The following GRID1 variants were observed in gnomAD, a reference collection of about 807,000 sequenced individuals.
GRID1 encodes glutamate receptor ionotropic, delta-1.
A neutral mutation model predicts 98.0 loss-of-function variants in GRID1; 28 were observed. The observed-to-expected ratio is 0.29, with a 90% CI of 0.21 to 0.39. The LOEUF (loss-of-function observed/expected upper bound fraction) is 0.39. GRID1 is among the 10% of genes least tolerant of loss of function. The probability of loss-of-function intolerance (pLI) is 1.00; values close to 1 mark genes in which losing one functional copy is unlikely to be tolerated. For missense variants in GRID1, 1,111 were observed against 1,340.5 expected, an observed-to-expected ratio of 0.83 and a Z score of 2.67; for synonymous variants, 553 against 538.5, an observed-to-expected ratio of 1.03 and a Z score of -0.37.
At chr10:86,018,620 CT>C (rs1471191752) in intron 4 of GRID1, among the ~76,000 whole-genome samples, 1 of 152,204 alleles carries the variant, frequency 6.6e-6, no homozygotes, top group African/African-American at 2.4e-5. Context: ...AGAGCTGTTT[CT>C]TCCAAACCTC....
chr10:85,903,856 T>C (rs1841422814), intron 5 of GRID1, among the ~76,000 whole-genome samples: 1 of 152,184 alleles, frequency 6.6e-6, no homozygotes, highest in Non-Finnish European at 1.5e-5. Context: ...ATGCACAGCA[T>C]CCTCACTTCC....
chr10:85,719,719 C>G (rs1027555413), intron 12 of GRID1, among the ~76,000 whole-genome samples: 1 of 151,934 alleles, frequency 6.6e-6, no homozygotes, highest in African/African-American at 2.4e-5. Flanking sequence ...GGTGGGGGCA[C>G]AGCCAAACCA....
intron 11 of GRID1, 91 bp from the exon 12 acceptor site, chr10:85,723,232 G>T: frequency 7.6e-7 from 1 of 1,310,486 alleles, no homozygotes; most frequent in Non-Finnish European, 1.0e-6. Flanking sequence ...CAGGCACACA[G>T]GCCATCACTC....
chr10:86,272,060 G>A lies in GRID1; in HGVS notation c.236-65412C>T, dbSNP rs189031088. ...AAATATATTATGTTCAGAGGAACAA[G>A]GATAAGGATGACAGTAAATTTCTTA... On this transcript the variant is annotated intron_variant, in intron 2 of 15. Coordinates refer to ENST00000327946, the MANE Select transcript of GRID1 (RefSeq NM_017551.3). 1.1e-3 allele frequency among the ~76,000 whole-genome samples: 172 copies of A among 152,182 alleles called. 1 individual carries two copies. The highest frequency in any genetic ancestry group is 3.9e-3 in the African/African-American group (162 of 41,516).
intron 4 of GRID1, among the ~76,000 whole-genome samples, chr10:86,090,421 A>C (rs1445956068): frequency 6.6e-6 from 1 of 152,130 alleles, no homozygotes; most frequent in Non-Finnish European, 1.5e-5. Flanking sequence ...TTAAAAAATA[A>C]AAAATAAAAA....
chr10:85,690,377 T>C (rs1841318715), intron 12 of GRID1, among the ~76,000 whole-genome samples: 1 of 152,174 alleles, frequency 6.6e-6, no homozygotes, highest in Non-Finnish European at 1.5e-5. Flanking sequence ...CTTTATGACA[T>C]TCAACTAAGC....
chr10:85,607,468 C>T (rs978418396), intron 15 of GRID1, among the ~76,000 whole-genome samples: 3 of 152,146 alleles, frequency 2.0e-5, no homozygotes, highest in Non-Finnish European at 4.4e-5. Context: ...AAGACTTACC[C>T]AACCCCAACG....
chr10:86,215,320 C>A (rs1480731955), intron 2 of GRID1, among the ~76,000 whole-genome samples: 1 of 152,206 alleles, frequency 6.6e-6, no homozygotes, highest in East Asian at 1.9e-4. Flanking sequence ...ACGAAGCAGA[C>A]CAGGAGGGTG....
At chr10:85,938,239 CA>C (rs1841952460) in intron 4 of GRID1, among the ~76,000 whole-genome samples, 1 of 152,142 alleles carries the variant, frequency 6.6e-6, no homozygotes, top group South Asian at 2.1e-4. Flanking sequence ...AATACTTGGA[CA>C]TATTTTCTAT....
intron 8 of GRID1, among the ~76,000 whole-genome samples, chr10:85,774,513 G>A (rs983515732): frequency 6.6e-6 from 1 of 151,028 alleles, no homozygotes; most frequent in Non-Finnish European, 1.5e-5. Context: ...CACAGCAAAA[G>A]AAACTACCAT....
At chr10:86,098,703 G>A (rs1178750275) in intron 4 of GRID1, among the ~76,000 whole-genome samples, 2 of 152,198 alleles carry the variant, frequency 1.3e-5, no homozygotes, top group Non-Finnish European at 2.9e-5. Context: ...ACTGAGTGGT[G>A]AAAAACGGCA....
Position 85,618,214 on chromosome 10 carries a change from CG to C in GRID1, c.2360+1652del, listed in dbSNP as rs1383242607. Among the ~76,000 whole-genome samples the C allele has an allele frequency of 3.3e-5, 5 of 152,306 alleles. No homozygotes were observed. In the East Asian group the frequency reaches 7.8e-4, roughly 24 times the overall value. On this transcript the variant is annotated intron_variant, in intron 14 of 15. Coordinates refer to ENST00000327946, the MANE Select transcript of GRID1 (RefSeq NM_017551.3). ...GAGCCATCTGAGCAGTGTGAGCACA[CG>C]GGGACTCTAACCTTTCCTCGCTGGG...
intron 2 of GRID1, among the ~76,000 whole-genome samples, chr10:86,355,206 G>A (rs181555089): frequency 6.6e-6 from 1 of 152,250 alleles, no homozygotes; most frequent in Non-Finnish European, 1.5e-5. Flanking sequence ...TGCCCACCCA[G>A]AGTCAGAAAG....
intron 4 of GRID1, among the ~76,000 whole-genome samples, chr10:86,128,831 C>T (rs1453911480): frequency 6.6e-6 from 1 of 152,232 alleles, no homozygotes; most frequent in Admixed American, 6.5e-5. Context: ...CCCACTCACA[C>T]ATCAGTCACT....
At chr10:86,049,182 A>T (rs1487334120) in intron 4 of GRID1, among the ~76,000 whole-genome samples, 1 of 152,188 alleles carries the variant, frequency 6.6e-6, no homozygotes, top group African/African-American at 2.4e-5. Flanking sequence ...TCACCATCAC[A>T]TGATGCTGAG....
At position 85,613,591 on chromosome 10, in the gene GRID1, G is replaced by A. The variant is rs371679862; in HGVS notation, c.2417C>T (p.Pro806Leu). Reference protein sequence around the residue: ...DLDVLKQKWWPHMGRCDLTSH... With the variant: ...DLDVLKQKWWLHMGRCDLTSH... Reference sequence around the variant, plus strand: ...GGTGAGGTCACAGCGGCCCATGTGCGGCCACCACTTCTGCTTCAGCACATC... The same window carrying A: ...GGTGAGGTCACAGCGGCCCATGTGCAGCCACCACTTCTGCTTCAGCACATC... The change falls in exon 15 of 16, where the codon CCG becomes CTG. Residue 806 changes from proline (P) to leucine (L), a missense_variant. Transcript: ENST00000327946. 5.0e-6 allele frequency: 8 copies of A among 1,614,020 alleles called. No homozygotes were observed. The highest frequency in any genetic ancestry group is 4.0e-5 in the African/African-American group (3 of 74,942).
intron 4 of GRID1, among the ~76,000 whole-genome samples, chr10:86,073,263 C>A (rs1458022119): frequency 6.6e-6 from 1 of 152,182 alleles, no homozygotes; most frequent in Non-Finnish European, 1.5e-5. Flanking sequence ...ACAGAGCACC[C>A]CTGAGGGAGG....
chr10:85,634,249 C>CCTCTCTCTCTCTCTCTCTCTTT (rs1843008343), intron 13 of GRID1, among the ~76,000 whole-genome samples: 1 of 92,314 alleles, frequency 1.1e-5, no homozygotes, highest in Non-Finnish European at 2.1e-5. Context: ...TGATGGGGCA[C>CCTCTCTCTCTCTCTCTCTCTTT]CTCTCTCTCT....
chr10:86,091,493 A>G (rs985583888), intron 4 of GRID1, among the ~76,000 whole-genome samples: 1 of 152,056 alleles, frequency 6.6e-6, no homozygotes, highest in African/African-American at 2.4e-5. Context: ...TGGCCCAAGG[A>G]GAGTCTGAGC....
Sources: gnomAD v4.1 joint callset for allele counts (sites outside exome capture counted in the v4.1 genomes callset) on GRCh38, gnomAD v4.1.1 for gene constraint, MANE v1.5 for transcripts, NCBI Gene and HGNC (gene_info 2026-07-23, HGNC 2026-07-21) for gene names.